The following MTA3 variants were observed in gnomAD, a reference collection of about 807,000 sequenced individuals.
The protein encoded by MTA3 is metastasis associated 1 family member 3, also known as metastasis-associated protein MTA3.
MTA3 carries 34 observed loss-of-function variants against 83.5 expected under a neutral mutation model. The ratio of observed to expected loss-of-function variants is 0.41; its 90% CI spans 0.31 to 0.54. The LOEUF is 0.54. Ranked by LOEUF, MTA3 falls within the 20% of genes least tolerant of loss-of-function variation. The pLI is 0.33. For missense variants in MTA3, 761 were observed against 726.4 expected, an observed-to-expected ratio of 1.05 and a Z score of -0.55; for synonymous variants, 303 against 252.7, an observed-to-expected ratio of 1.20 and a Z score of -1.89.
At chr2:42,703,122 G>T (rs1314633370) in intron 11 of MTA3, 2 of 151,978 alleles carry the variant, frequency 1.3e-5, no homozygotes, top group South Asian at 2.1e-4. Flanking sequence ...CCTATGCCTG[G>T]GTAATTTTTA....
intron 6 of MTA3, among the ~76,000 whole-genome samples, 170 bp from the exon 7 acceptor site, chr2:42,656,030 T>A (rs1689143170): frequency 6.6e-6 from 1 of 152,234 alleles, no homozygotes; most frequent in Non-Finnish European, 1.5e-5. Context: ...TTATCATCAG[T>A]GTTCACTTTA....
chr2:42,710,549 C>CAAAAAA (rs765315082), intron 14 of MTA3, among the ~76,000 whole-genome samples: 124 of 60,880 alleles, frequency 2.0e-3, no homozygotes, highest in South Asian at 2.8e-3. Flanking sequence ...AACTTCATCT[C>CAAAAAA]AAAAAAAAAA....
chr2:42,507,799 C>T (rs1201307100), intron 2 of MTA3, among the ~76,000 whole-genome samples: 2 of 151,594 alleles, frequency 1.3e-5, no homozygotes, highest in Non-Finnish European at 2.9e-5. Context: ...AGCACGGGGG[C>T]GCACACCTGT....
intron 16 of MTA3, among the ~76,000 whole-genome samples, chr2:42,724,438 G>A (rs545047388): frequency 3.3e-5 from 5 of 151,812 alleles, no homozygotes; most frequent in African/African-American, 7.3e-5. Flanking sequence ...TCACTTGAGC[G>A]CAGGAATTCG....
chr2:42,740,226 C>T lies in MTA3; in HGVS notation c.1760-13148C>T, dbSNP rs1007813144. On this transcript the variant is annotated intron_variant, in intron 16 of 16. Transcript: ENST00000405094. ...TAAGACTTGAAAGTTAAACTTATTC[C>T]TTGGCTGGGCGTGGTGGTTTACACC... Among the ~76,000 whole-genome samples, 6 of 152,318 alleles carry T rather than the reference C, an allele frequency of 3.9e-5. No homozygotes were observed. The South Asian group carries it at 8.3e-4, about 21-fold the overall frequency.
intron 2 of MTA3, among the ~76,000 whole-genome samples, chr2:42,530,163 C>CA (rs1027822569): frequency 7.2e-6 from 1 of 139,330 alleles, no homozygotes; most frequent in Non-Finnish European, 1.5e-5. Context: ...CCAGCTTGGG[C>CA]AAAAGAGCAA....
chr2:42,612,413 G>A (rs1684337160), intron 4 of MTA3, among the ~76,000 whole-genome samples: 1 of 152,060 alleles, frequency 6.6e-6, no homozygotes, highest in Non-Finnish European at 1.5e-5. Flanking sequence ...ATGGTGTCTT[G>A]CCATGGTGGC....
chr2:42,546,331 C>T (rs947502369), intron 2 of MTA3, among the ~76,000 whole-genome samples: 7 of 152,084 alleles, frequency 4.6e-5, no homozygotes, highest in Non-Finnish European at 1.0e-4. Flanking sequence ...AGGAAGAAGC[C>T]TGTGTAGGAT....
intron 16 of MTA3, among the ~76,000 whole-genome samples, chr2:42,737,638 C>T (rs1054621862): frequency 3.9e-5 from 6 of 152,116 alleles, no homozygotes; most frequent in Non-Finnish European, 8.8e-5. Context: ...GCTCTGCCTC[C>T]CTCTTTTCAT....
At chr2:42,717,211 A>G (rs1667094253) in intron 14 of MTA3, among the ~76,000 whole-genome samples, 2 of 147,354 alleles carry the variant, frequency 1.4e-5, no homozygotes, top group South Asian at 4.2e-4. Context: ...TTGAAGTTCC[A>G]GACTTGCACA....
chr2:42,563,412 G>A (rs1340851475), intron 2 of MTA3, among the ~76,000 whole-genome samples: 7 of 152,028 alleles, frequency 4.6e-5, no homozygotes, highest in African/African-American at 1.4e-4. Flanking sequence ...CAGGTGATTC[G>A]CCTGCCTTAG....
intron 2 of MTA3, among the ~76,000 whole-genome samples, chr2:42,520,748 T>C (rs1675388513): frequency 6.6e-6 from 1 of 152,048 alleles, no homozygotes; most frequent in Non-Finnish European, 1.5e-5. Flanking sequence ...GTATTTTTTG[T>C]AGAGACAGGG....
intron 3 of MTA3, chr2:42,581,749 T>G (rs62142672): frequency 3.4e-6 from 1 of 290,980 alleles, no homozygotes; most frequent in Non-Finnish European, 6.7e-6. Context: ...TAAATCAGAT[T>G]TTAAAAAGTA....
intron 4 of MTA3, among the ~76,000 whole-genome samples, chr2:42,631,875 C>T (rs1207551778): frequency 1.4e-4 from 21 of 151,562 alleles, no homozygotes; most frequent in East Asian, 1.9e-4. Context: ...TTTGTCATAG[C>T]GATGGGGTAG....
At chr2:42,579,079 A>G (rs1419485617) in intron 2 of MTA3, 28 bp from the exon 3 acceptor site, 1 of 1,495,760 alleles carries the variant, frequency 6.7e-7, no homozygotes, top group African/African-American at 1.4e-5. Context: ...ATTCAGTGCA[A>G]ATGACTTTTA....
At chr2:42,536,932 G>A (rs949487401) in intron 2 of MTA3, among the ~76,000 whole-genome samples, 11 of 150,968 alleles carry the variant, frequency 7.3e-5, no homozygotes, top group Admixed American at 3.3e-4. Flanking sequence ...CAGGTATCCC[G>A]GATCACCTGG....
intron 12 of MTA3, among the ~76,000 whole-genome samples, chr2:42,705,847 A>G (rs910676820): frequency 1.8e-4 from 27 of 152,206 alleles, no homozygotes; most frequent in African/African-American, 6.0e-4. Context: ...AGACTCATGT[A>G]TTACTAATCT....
chr2:42,647,772 A>G (rs1001396038), intron 6 of MTA3, among the ~76,000 whole-genome samples: 1 of 152,224 alleles, frequency 6.6e-6, no homozygotes, highest in Non-Finnish European at 1.5e-5. Context: ...AGCCTGAAGC[A>G]TTAAAGCATA....
intron 3 of MTA3, among the ~76,000 whole-genome samples, chr2:42,583,554 G>A (rs1317616116): frequency 6.6e-6 from 1 of 151,958 alleles, no homozygotes. Context: ...TATTTTTTGA[G>A]ATAGAGTCTT....
Sources: gnomAD v4.1 joint callset for allele counts (sites outside exome capture counted in the v4.1 genomes callset) on GRCh38, gnomAD v4.1.1 for gene constraint, MANE v1.5 for transcripts, NCBI Gene and HGNC (gene_info 2026-07-23, HGNC 2026-07-21) for gene names.